The following PCNX1 variants were observed in gnomAD, a reference collection of about 807,000 sequenced individuals.
PCNX1 encodes pecanex 1, also known as pecanex-like protein 1.
A neutral mutation model predicts 242.2 loss-of-function variants in PCNX1; 78 were observed. That is an observed-to-expected ratio of 0.32 (90% confidence interval 0.27 to 0.39). The LOEUF is 0.39. Among genes scored for constraint, PCNX1 ranks in the 10% least tolerant of loss-of-function variants. The pLI is 1.00. For missense variants in PCNX1, 2,581 were observed against 2,856.5 expected, an observed-to-expected ratio of 0.90 and a Z score of 2.20; for synonymous variants, 1,024 against 1,032.9, an observed-to-expected ratio of 0.99 and a Z score of 0.17.
intron 8 of PCNX1, among the ~76,000 whole-genome samples, chr14:70,996,144 C>T (rs893546147): frequency 6.6e-6 from 1 of 151,888 alleles, no homozygotes; most frequent in African/African-American, 2.4e-5. Flanking sequence ...TGGTCATGTC[C>T]ATTTTTAATA....
intron 9 of PCNX1, among the ~76,000 whole-genome samples, chr14:71,010,418 TAATC>T (rs1180831336): frequency 6.6e-6 from 1 of 152,080 alleles, no homozygotes; most frequent in Admixed American, 6.5e-5. Context: ...CCTTTTTAAA[TAATC>T]AACTTTCATT....
chr14:71,074,411 A>G (rs2061660864), intron 27 of PCNX1, among the ~76,000 whole-genome samples: 1 of 152,240 alleles, frequency 6.6e-6, no homozygotes, highest in African/African-American at 2.4e-5. Context: ...CAAAGTTGTC[A>G]TACCCACATT....
At chr14:71,008,122 A>G (rs1465181855) in intron 8 of PCNX1, among the ~76,000 whole-genome samples, 1 of 152,236 alleles carries the variant, frequency 6.6e-6, no homozygotes, top group Non-Finnish European at 1.5e-5. Context: ...TTTATGATCC[A>G]TAGAATGTAC....
intron 15 of PCNX1, among the ~76,000 whole-genome samples, chr14:71,028,273 C>T: frequency 6.6e-6 from 1 of 151,906 alleles, no homozygotes. Flanking sequence ...AACACATGGG[C>T]ATACAGATTT....
chr14:70,965,587 C>T (rs569721590), intron 3 of PCNX1, among the ~76,000 whole-genome samples: 3 of 139,906 alleles, frequency 2.1e-5, no homozygotes, highest in South Asian at 4.6e-4. Context: ...TGCTTGAACC[C>T]GGGAGGTGGA....
chr14:70,955,688 C>G (rs1203417059), intron 2 of PCNX1, among the ~76,000 whole-genome samples: 1 of 152,142 alleles, frequency 6.6e-6, no homozygotes, highest in African/African-American at 2.4e-5. Context: ...ACTATGCTTT[C>G]CAGGTATGTG....
rs908221817 is a variant in PCNX1, at chr14:71,084,392, G to A, written c.5338-3938G>A. ...GCTCAAGTGCTGTGCTGGGAGATCC[G>A]CTGCTCTCTTCAGAGCCAGCAGGCA... On this transcript the variant is annotated intron_variant, in intron 28 of 35. Coordinates refer to ENST00000304743, the MANE Select transcript of PCNX1 (RefSeq NM_014982.3). Among the ~76,000 whole-genome samples the A allele has an allele frequency of 3.9e-5, 6 of 152,294 alleles. No homozygotes were observed. In the South Asian group the frequency reaches 1.2e-3, roughly 32 times the overall value.
At chr14:71,007,085 A>G (rs1310070776) in intron 8 of PCNX1, among the ~76,000 whole-genome samples, 1 of 152,092 alleles carries the variant, frequency 6.6e-6, no homozygotes, top group Admixed American at 6.5e-5. Context: ...TTCTGCTTAC[A>G]TTTTTAGATT....
rs1461875493 is a variant in PCNX1 at position 71,076,070 on chromosome 14, T to TA, written c.5107-114dup. 3.0e-5 allele frequency: 19 copies of TA among 642,778 alleles called. No individual in the cohort carries two copies. In the East Asian group the frequency reaches 5.2e-4, roughly 18 times the overall value. 39.8% of individuals were successfully genotyped at this position (642,778 alleles called of 1,614,324 possible). On this transcript the variant is annotated intron_variant, in intron 27 of 35. Coordinates refer to ENST00000304743, the MANE Select transcript of PCNX1 (RefSeq NM_014982.3). The stretch of plus-strand genomic sequence containing the variant: ...GGAATAAAATACTTTTTAGTCAGAC[T>TA]AAAAAGTGTTTTACTATTTATCATT...
intron 1 of PCNX1, among the ~76,000 whole-genome samples, chr14:70,911,187 A>C (rs530044916): frequency 7.2e-5 from 11 of 152,318 alleles, no homozygotes; most frequent in African/African-American, 2.6e-4. Context: ...CCGTGACCTC[A>C]TGAGGTTTTG....
chr14:70,908,400 G>T (rs1455070119), intron 1 of PCNX1, among the ~76,000 whole-genome samples: 3 of 152,134 alleles, frequency 2.0e-5, no homozygotes, highest in African/African-American at 7.2e-5. Context: ...GGCACGCTGG[G>T]TTCCTCGGGC....
chr14:71,105,489 A>T (rs562996314), intron 33 of PCNX1, 49 bp downstream of exon 33: 3 of 1,397,724 alleles, frequency 2.1e-6, no homozygotes, highest in Non-Finnish European at 3.0e-6. Context: ...TTAGCCATAG[A>T]GGCTGGTTAG....
chr14:71,008,330 T>C (rs1040588434), intron 8 of PCNX1, among the ~76,000 whole-genome samples: 2 of 152,144 alleles, frequency 1.3e-5, no homozygotes, highest in Non-Finnish European at 2.9e-5. Flanking sequence ...ATCTGACTTT[T>C]AGCCTTACCA....
intron 1 of PCNX1, among the ~76,000 whole-genome samples, chr14:70,915,512 G>A (rs188430127): frequency 6.6e-6 from 1 of 152,152 alleles, no homozygotes; most frequent in Admixed American, 6.6e-5. Context: ...AATTCATACT[G>A]TTTTCAAGTC....
chr14:71,025,214 C>A (rs1386777234), intron 13 of PCNX1, among the ~76,000 whole-genome samples: 2 of 152,110 alleles, frequency 1.3e-5, no homozygotes, highest in Non-Finnish European at 2.9e-5. Flanking sequence ...TGATTTTATT[C>A]AATGGACTAT....
rs565674725 is a variant in PCNX1, at chr14:70,946,855, C to G, written c.154-60C>G. The G allele has an allele frequency of 3.8e-5, 43 of 1,120,012 alleles. No individual in the cohort carries two copies. In the Admixed American group the frequency reaches 7.5e-4, roughly 19 times the overall value. 69.4% of individuals were successfully genotyped at this position (1,120,012 alleles called of 1,614,324 possible). A position where few individuals can be genotyped will look rare whatever the true frequency, so the allele number is the denominator to read the frequency against. ...TTTATTATTTTAGATACAGATTTAT[C>G]TAATTGAATACGATATAAAATATTT... On this transcript the variant is annotated intron_variant, in intron 1 of 35. Coordinates refer to ENST00000304743, the MANE Select transcript of PCNX1 (RefSeq NM_014982.3).
intron 11 of PCNX1, among the ~76,000 whole-genome samples, chr14:71,015,952 G>A (rs2059952562): frequency 6.6e-6 from 1 of 152,154 alleles, no homozygotes; most frequent in South Asian, 2.1e-4. Context: ...CAGCACTTTG[G>A]GAGTCTGAGG....
At chr14:70,939,707 G>A (rs1036461795) in intron 1 of PCNX1, among the ~76,000 whole-genome samples, 4 of 152,168 alleles carry the variant, frequency 2.6e-5, no homozygotes, top group Admixed American at 6.5e-5. Flanking sequence ...CTGTCTCGTT[G>A]ATCTGTCTAA....
At chr14:70,963,493 T>A (rs1192152460) in intron 3 of PCNX1, among the ~76,000 whole-genome samples, 2 of 152,186 alleles carry the variant, frequency 1.3e-5, no homozygotes, top group African/African-American at 2.4e-5. Flanking sequence ...TTCTGCCAAC[T>A]CTGTCCTGTA....
Sources: gnomAD v4.1 joint callset for allele counts (sites outside exome capture counted in the v4.1 genomes callset) on GRCh38, gnomAD v4.1.1 for gene constraint, MANE v1.5 for transcripts, NCBI Gene and HGNC (gene_info 2026-07-23, HGNC 2026-07-21) for gene names.